The following CCDC91 variants were observed in gnomAD, a reference collection of about 807,000 sequenced individuals.
CCDC91 encodes coiled-coil domain containing 91.
In CCDC91, 48 loss-of-function variants were observed where a neutral mutation model predicts 63.2. The ratio of observed to expected loss-of-function variants is 0.76; its 90% CI spans 0.60 to 0.97. The LOEUF (loss-of-function observed/expected upper bound fraction) is 0.97. Among genes scored for constraint, CCDC91 ranks in the 50% least tolerant of loss-of-function variants. The pLI is 0.00. For missense variants in CCDC91, 500 were observed against 494.6 expected, an observed-to-expected ratio of 1.01 and a Z score of -0.10; for synonymous variants, 167 against 165.8, an observed-to-expected ratio of 1.01 and a Z score of -0.06.
At chr12:28,491,796 T>C (rs1363535013) in intron 12 of CCDC91, among the ~76,000 whole-genome samples, 1 of 151,590 alleles carries the variant, frequency 6.6e-6, no homozygotes, top group Non-Finnish European at 1.5e-5. Context: ...GCAATAGACA[T>C]GGAGGGAATT....
At chr12:28,267,683 A>AT (rs1291605881) in intron 3 of CCDC91, among the ~76,000 whole-genome samples, 1 of 113,592 alleles carries the variant, frequency 8.8e-6, no homozygotes, top group South Asian at 2.4e-4. Flanking sequence ...ATTATATGTT[A>AT]TATAAATTAT....
chr12:28,539,654 T>C (rs1392515394), intron 12 of CCDC91, among the ~76,000 whole-genome samples: 3 of 152,170 alleles, frequency 2.0e-5, no homozygotes, highest in African/African-American at 4.8e-5. Flanking sequence ...AGTTTAGCTT[T>C]CTTAACTGAA....
At chr12:28,193,385 G>T (rs1466141807) in intron 1 of CCDC91, among the ~76,000 whole-genome samples, 2 of 152,122 alleles carry the variant, frequency 1.3e-5, no homozygotes, top group South Asian at 2.1e-4. Flanking sequence ...GGCAGCTCAC[G>T]AGGTCAGGAG....
intron 3 of CCDC91, among the ~76,000 whole-genome samples, chr12:28,269,337 C>G (rs1338252158): frequency 6.6e-6 from 1 of 151,950 alleles, no homozygotes; most frequent in Non-Finnish European, 1.5e-5. Context: ...TCTTCCAACC[C>G]CTTTTTGTGC....
intron 8 of CCDC91, among the ~76,000 whole-genome samples, chr12:28,432,294 C>T (rs1400617260): frequency 6.6e-6 from 1 of 152,032 alleles, no homozygotes; most frequent in Non-Finnish European, 1.5e-5. Flanking sequence ...CAAATCTCAT[C>T]TCGAATTGTA....
intron 8 of CCDC91, among the ~76,000 whole-genome samples, chr12:28,395,283 ACACCAAATCGGTGTT>A (rs1323614009): frequency 1.3e-5 from 2 of 152,188 alleles, no homozygotes; most frequent in Non-Finnish European, 2.9e-5. Flanking sequence ...AACTGCCTGG[ACACCAAATCGGTGTT>A]CTACAATTCA....
chr12:28,255,944 T>C (rs957987441), intron 1 of CCDC91: 13 of 152,128 alleles, frequency 8.5e-5, no homozygotes, highest in African/African-American at 2.9e-4. Flanking sequence ...CCTTAGAAAA[T>C]GCCCTTAAGA....
chr12:28,204,289 T>G (rs142405758), intron 1 of CCDC91, among the ~76,000 whole-genome samples: 2 of 152,332 alleles, frequency 1.3e-5, no homozygotes, highest in Non-Finnish European at 2.9e-5. Context: ...TTATTTAATT[T>G]ATATCACTTT....
intron 1 of CCDC91, among the ~76,000 whole-genome samples, chr12:28,234,557 A>T (rs1592062099): frequency 1.3e-5 from 2 of 152,204 alleles, no homozygotes; most frequent in African/African-American, 2.4e-5. Context: ...GGAAACAAAA[A>T]TAACTGTTTC....
intron 1 of CCDC91, among the ~76,000 whole-genome samples, chr12:28,210,023 T>C (rs1943122391): frequency 6.6e-6 from 1 of 152,218 alleles, no homozygotes; most frequent in Non-Finnish European, 1.5e-5. Context: ...GCTTGTACTT[T>C]CTGACTTGTC....
At chr12:28,446,695 A>G (rs1297466731) in intron 8 of CCDC91, among the ~76,000 whole-genome samples, 1 of 151,872 alleles carries the variant, frequency 6.6e-6, no homozygotes, top group African/African-American at 2.4e-5. Flanking sequence ...TAACTCCTGG[A>G]CTCAAGTGAT....
intron 12 of CCDC91, among the ~76,000 whole-genome samples, chr12:28,516,531 G>A (rs1199431744): frequency 2.0e-5 from 3 of 151,924 alleles, no homozygotes; most frequent in African/African-American, 7.2e-5. Context: ...TGAGCCCTGA[G>A]AGTCAGAGGT....
chr12:28,236,394 ATAT>A (rs143139662), intron 1 of CCDC91: 257 of 152,126 alleles, frequency 1.7e-3, no homozygotes, highest in African/African-American at 4.8e-3. Flanking sequence ...TATAAATTTA[ATAT>A]TATTGCTGTA....
At chr12:28,216,313 G>A (rs1293887159) in intron 1 of CCDC91, among the ~76,000 whole-genome samples, 1 of 151,980 alleles carries the variant, frequency 6.6e-6, no homozygotes, top group African/African-American at 2.4e-5. Flanking sequence ...GCAAGCTTTT[G>A]TTGGTTCTTA....
chr12:28,546,752 AAAC>A (rs1943017509), intron 12 of CCDC91, among the ~76,000 whole-genome samples: 1 of 152,106 alleles, frequency 6.6e-6, no homozygotes, highest in South Asian at 2.1e-4. Context: ...AAGGAAAAAA[AAAC>A]AAGAGACACT....
At chr12:28,430,368 C>G (rs11049594) in intron 8 of CCDC91, among the ~76,000 whole-genome samples, 31,126 of 151,902 alleles carry the variant, frequency 0.2, 4,182 homozygotes, top group Non-Finnish European at 0.3. Flanking sequence ...TTAGCACATT[C>G]TTGTATGATT....
intron 2 of CCDC91, among the ~76,000 whole-genome samples, chr12:28,259,020 C>T (rs574191586): frequency 9.2e-5 from 14 of 151,702 alleles, no homozygotes; most frequent in South Asian, 2.1e-4. Context: ...AAATATTTTT[C>T]CTACATAGAT....
intron 6 of CCDC91, among the ~76,000 whole-genome samples, chr12:28,319,163 ATCAAG>A (rs1350177918): frequency 2.0e-5 from 3 of 152,018 alleles, no homozygotes; most frequent in Non-Finnish European, 2.9e-5. Flanking sequence ...TAAAAGAAAA[ATCAAG>A]TAAACTGTTT....
intron 11 of CCDC91, 48 bp from the exon 12 acceptor site, chr12:28,484,004 T>C (rs200823874): frequency 1.8e-6 from 2 of 1,083,596 alleles, no homozygotes; most frequent in African/African-American, 1.6e-5. Context: ...GACACAGATA[T>C]GTCATAGTGC....
Sources: allele counts gnomAD v4.1 joint callset (sites outside exome capture counted in the v4.1 genomes callset), GRCh38; gene constraint gnomAD v4.1.1; transcripts MANE v1.5; gene names NCBI Gene and HGNC (gene_info 2026-07-23, HGNC 2026-07-21).